The following KCNC1 variants were observed in gnomAD, a reference collection of about 807,000 sequenced individuals.
KCNC1 encodes the protein voltage-gated potassium channel KCNC1.
Under a neutral mutation model 43.4 loss-of-function variants are expected in KCNC1, and 8 were observed. The ratio of observed to expected loss-of-function variants is 0.18; its 90% CI spans 0.11 to 0.33. KCNC1 has a LOEUF of 0.33. KCNC1 is among the 10% of genes least tolerant of loss of function. The pLI is 1.00. For missense variants in KCNC1, 420 were observed against 836.0 expected, an observed-to-expected ratio of 0.50 and a Z score of 6.14; for synonymous variants, 361 against 360.5, an observed-to-expected ratio of 1.00 and a Z score of -0.01.
chr11:17,770,765 CAT>C (rs1263623589), intron 1 of KCNC1, among the ~76,000 whole-genome samples: 2 of 152,128 alleles, frequency 1.3e-5, no homozygotes, highest in East Asian at 1.9e-4. Context: ...GGTGCCCACA[CAT>C]GTTTGGGAAG....
At chr11:17,764,617 G>A (rs1317698732) in intron 1 of KCNC1, among the ~76,000 whole-genome samples, 1 of 152,098 alleles carries the variant, frequency 6.6e-6, no homozygotes, top group Non-Finnish European at 1.5e-5. Flanking sequence ...CACCCTCCAC[G>A]GAGCACCTTG....
chr11:17,758,083 A>G (rs1849040929), intron 1 of KCNC1, among the ~76,000 whole-genome samples: 1 of 152,122 alleles, frequency 6.6e-6, no homozygotes, highest in South Asian at 2.1e-4. Flanking sequence ...ATCCTCTCAA[A>G]CCCTGCTGCT....
At chr11:17,762,106 C>T (rs966082283) in intron 1 of KCNC1, among the ~76,000 whole-genome samples, 1 of 152,204 alleles carries the variant, frequency 6.6e-6, no homozygotes, top group Non-Finnish European at 1.5e-5. Flanking sequence ...CTCAGGGACA[C>T]CCTCTCCCCT....
intron 1 of KCNC1, among the ~76,000 whole-genome samples, chr11:17,764,320 C>T (rs1167308987): frequency 6.6e-6 from 1 of 151,756 alleles, no homozygotes; most frequent in Non-Finnish European, 1.5e-5. Flanking sequence ...TGTCTCCATA[C>T]ACACATGCAA....
chr11:17,779,459 C>A lies in KCNC1; in HGVS notation c.1508C>A (p.Ser503Tyr). The change falls in exon 3 of 4, where the codon TCC becomes TAC. Residue 503 changes from serine (S) to tyrosine (Y), a missense_variant. Physicochemically the swap from Ser to Tyr is moderately radical, Grantham distance 144. This residue lies in a region of KCNC1 where 147 missense variants were observed against 176.1 expected (regional missense o/e 0.83). Transcript: ENST00000265969. This position sits in a 1 kb window ranked among gnomAD's most constrained non-coding sequence, Gnocchi z 7.2. ...GCTTCTGCTTATATGTTTGAAGATT[C>A]CAAACTGAATGGGGAGGTGGCGAAG... ...EEILEINRAD[S>Y]KLNGEVAKAA... 2 of 1,543,838 alleles carry A rather than the reference C, an allele frequency of 1.3e-6. No homozygotes were observed. Among genetic ancestry groups the A allele is most frequent in the South Asian group, 1.2e-5 (1 of 83,138 alleles).
intron 1 of KCNC1, among the ~76,000 whole-genome samples, chr11:17,756,520 A>ACACAC (rs1849023711): frequency 1.4e-5 from 2 of 143,908 alleles, no homozygotes; most frequent in African/African-American, 5.3e-5. Context: ...CTTCCCTCCA[A>ACACAC]ACACACACAC....
rs1358812907 is a variant in KCNC1, at chr11:17,777,750, T to C, written c.1505-1706T>C. The C allele has an allele frequency of 1.0e-6, 1 of 986,092 alleles. No homozygotes were observed. Among genetic ancestry groups the C allele is most frequent in the Non-Finnish European group, 1.2e-6 (1 of 830,014 alleles). 61.1% of individuals were successfully genotyped at this position (986,092 alleles called of 1,614,324 possible). On this transcript the variant is annotated intron_variant, in intron 2 of 3. Coordinates refer to ENST00000265969, the MANE Select transcript of KCNC1 (RefSeq NM_001112741.2). The surrounding 1 kb of genome is among the most constrained non-coding windows in gnomAD (Gnocchi z 4.3). ...CTTTGCCATCTTGTACGAAAGACTTTTTTTTTAAGTTCCAAAATTATGATG... is the reference window on the plus strand; with the variant it reads ...CTTTGCCATCTTGTACGAAAGACTTCTTTTTTAAGTTCCAAAATTATGATG...
At position 17,781,301 on chromosome 11, in the gene KCNC1, C is replaced by T; in HGVS notation, c.1694-369C>T. ...CTCAGTCCCACCGAGGCTTAGGTGCCAGAGTCTTTGGGAGGCGCTAAGGGT... is the reference window on the plus strand; with the variant it reads ...CTCAGTCCCACCGAGGCTTAGGTGCTAGAGTCTTTGGGAGGCGCTAAGGGT... On this transcript the variant is annotated intron_variant, in intron 3 of 3. Coordinates refer to ENST00000265969, the MANE Select transcript of KCNC1 (RefSeq NM_001112741.2). This position sits in a 1 kb window ranked among gnomAD's most constrained non-coding sequence, Gnocchi z 5.1. 2 of 220,572 alleles carry T rather than the reference C, an allele frequency of 9.1e-6. No homozygotes were observed. Among genetic ancestry groups the T allele is most frequent in the Non-Finnish European group, 1.8e-5 (2 of 112,092 alleles). The allele number at this position is 220,572 out of a possible 1,614,324, so 13.7% of individuals were successfully genotyped here.
At position 17,779,861 on chromosome 11, in the gene KCNC1, G is replaced by T; in HGVS notation, c.1693+217G>T. The T allele has an allele frequency of 2.4e-6, 1 of 415,346 alleles. No individual in the cohort carries two copies. The highest frequency in any genetic ancestry group is 6.2e-4 in the Middle Eastern group (1 of 1,604). 25.7% of individuals were successfully genotyped at this position (415,346 alleles called of 1,614,324 possible). On this transcript the variant is annotated intron_variant, in intron 3 of 3. Coordinates refer to ENST00000265969, the MANE Select transcript of KCNC1 (RefSeq NM_001112741.2). This position sits in a 1 kb window ranked among gnomAD's most constrained non-coding sequence, Gnocchi z 7.2. ...GCAGAGAGAACTTGAGGCCCTGGCA[G>T]CTGTGGGTTGCTGGGAGTTGAGAGG...
chr11:17,760,829 G>A (rs1469548254), intron 1 of KCNC1, among the ~76,000 whole-genome samples: 8 of 152,224 alleles, frequency 5.3e-5, no homozygotes, highest in Non-Finnish European at 1.2e-4. Context: ...TCCTCATCTA[G>A]AGAGTGACAT....
chr11:17,743,823 C>T (rs921032682), intron 1 of KCNC1, among the ~76,000 whole-genome samples: 7 of 152,166 alleles, frequency 4.6e-5, no homozygotes, highest in African/African-American at 1.2e-4. Context: ...TTTTGCTGAA[C>T]GTGAAAATCC....
rs117744305 is a variant in KCNC1 at position 17,739,968 on chromosome 11, C to T, written c.570+3396C>T. ...CCCACTGCCTCAGTCTCTGGGACTC[C>T]GGAGTGGCCTAACTGAGGGCATTTC... On this transcript the variant is annotated intron_variant, in intron 1 of 3. Transcript: ENST00000265969. The surrounding 1 kb of genome is among the most constrained non-coding windows in gnomAD (Gnocchi z 4.2). 2.2e-4 allele frequency among the ~76,000 whole-genome samples: 34 copies of T among 152,150 alleles called. No homozygotes were observed. Among genetic ancestry groups the T allele is most frequent in the African/African-American group, 7.7e-4 (32 of 41,426 alleles).
At chr11:17,780,185 C>T (rs1849330175) in intron 3 of KCNC1, 1 of 152,492 alleles carries the variant, frequency 6.6e-6, no homozygotes, top group African/African-American at 2.4e-5. Flanking sequence ...GGGGTAAGGC[C>T]ATTGTCCTTG....
intron 1 of KCNC1, among the ~76,000 whole-genome samples, chr11:17,766,246 G>A (rs888157655): frequency 2.6e-5 from 4 of 152,248 alleles, no homozygotes; most frequent in South Asian, 2.1e-4. Flanking sequence ...GTGGCGATGT[G>A]TCTCCGCATG....
intron 1 of KCNC1, among the ~76,000 whole-genome samples, chr11:17,740,662 G>T (rs1240554692): frequency 6.6e-6 from 1 of 152,156 alleles, no homozygotes; most frequent in Non-Finnish European, 1.5e-5. Flanking sequence ...GTTTGTGTGT[G>T]TGTGTTAACA....
intron 2 of KCNC1, among the ~76,000 whole-genome samples, chr11:17,778,011 C>A (rs1378005484): frequency 6.6e-6 from 1 of 152,194 alleles, no homozygotes; most frequent in East Asian, 1.9e-4. Context: ...CCACTCTACT[C>A]TTTCAGAGAG....
intron 1 of KCNC1, among the ~76,000 whole-genome samples, chr11:17,761,804 G>C (rs533211887): frequency 1.5e-4 from 23 of 152,162 alleles, no homozygotes; most frequent in Non-Finnish European, 3.2e-4. Flanking sequence ...GTGAATTTCT[G>C]TTCCCACCCG....
chr11:17,766,523 G>A (rs1243478043), intron 1 of KCNC1, among the ~76,000 whole-genome samples: 3 of 152,120 alleles, frequency 2.0e-5, no homozygotes, highest in African/African-American at 7.2e-5. Context: ...GCTTTTCTGA[G>A]GCTTACCAGG....
At chr11:17,778,991 G>A (rs1222023368) in intron 2 of KCNC1, among the ~76,000 whole-genome samples, 1 of 152,002 alleles carries the variant, frequency 6.6e-6, no homozygotes, top group East Asian at 1.9e-4. Flanking sequence ...GGCTGTGGAC[G>A]GGAGGCAGCC....
Sources: gnomAD v4.1 joint callset for allele counts (sites outside exome capture counted in the v4.1 genomes callset) on GRCh38, gnomAD v4.1.1 for gene constraint, gnomAD v4.1.1 regional missense constraint, Gnocchi (gnomAD v3.1) non-coding constraint, MANE v1.5 for transcripts, NCBI Gene and HGNC (gene_info 2026-07-23, HGNC 2026-07-21) for gene names.